The following PTPN2 variants were observed in gnomAD, a reference collection of about 807,000 sequenced individuals.
The protein encoded by PTPN2 is protein tyrosine phosphatase non-receptor type 2.
A neutral mutation model predicts 57.3 loss-of-function variants in PTPN2; 19 were observed. That is an observed-to-expected ratio of 0.33 (90% CI 0.23 to 0.49). PTPN2 has a LOEUF of 0.49. Ranked by LOEUF, PTPN2 falls within the 20% of genes least tolerant of loss-of-function variation. The pLI is 0.99. For synonymous variants in PTPN2, 153 were observed against 164.9 expected, an observed-to-expected ratio of 0.93 and a Z score of 0.55; for missense variants, 358 against 501.1, an observed-to-expected ratio of 0.71 and a Z score of 2.73.
chr18:12,856,456 G>A (rs1204702985), intron 2 of PTPN2, among the ~76,000 whole-genome samples: 1 of 152,080 alleles, frequency 6.6e-6, no homozygotes, highest in Non-Finnish European at 1.5e-5. Flanking sequence ...ATGCACTGGG[G>A]GCTGCTCCCA....
chr18:12,796,191 A>G (rs1185120432), intron 8 of PTPN2, among the ~76,000 whole-genome samples: 3 of 152,224 alleles, frequency 2.0e-5, no homozygotes, highest in African/African-American at 7.2e-5. Context: ...ATTAAAGGAG[A>G]CCAAAGAATC....
intron 2 of PTPN2, among the ~76,000 whole-genome samples, chr18:12,858,005 G>T (rs2043652798): frequency 6.6e-6 from 1 of 152,134 alleles, no homozygotes; most frequent in South Asian, 2.1e-4. Flanking sequence ...TTCTATTCAT[G>T]TAAGAATAAA....
At chr18:12,841,949 C>A (rs2145416181) in intron 2 of PTPN2, among the ~76,000 whole-genome samples, 1 of 150,858 alleles carries the variant, frequency 6.6e-6, no homozygotes, top group South Asian at 2.1e-4. Context: ...TCTTGTTGCC[C>A]AGGCTGGAGT....
intron 8 of PTPN2, among the ~76,000 whole-genome samples, chr18:12,798,871 C>T (rs940828917): frequency 6.6e-6 from 1 of 152,014 alleles, no homozygotes; most frequent in Non-Finnish European, 1.5e-5. Flanking sequence ...TATACTCCCA[C>T]CAACAGTGTT....
intron 6 of PTPN2, 95 bp downstream of exon 6, chr18:12,817,061 T>C: frequency 8.3e-7 from 1 of 1,212,042 alleles, no homozygotes. Context: ...AAACCTCAGT[T>C]CTGGGATACA....
chr18:12,810,995 T>C lies in PTPN2; in HGVS notation c.858+3208A>G, dbSNP rs185292731. 1.9e-4 allele frequency among the ~76,000 whole-genome samples: 29 copies of C among 152,340 alleles called. 1 individual carries two copies. The highest frequency in any genetic ancestry group is 5.3e-4 in the African/African-American group (22 of 41,582). ...TTTGTTACTCAATCCAAATCTTTTA[T>C]AGTGAAGACATGGAGTACTTGCTAC... On this transcript the variant is annotated intron_variant, in intron 7 of 8. Coordinates refer to ENST00000309660, the MANE Select transcript of PTPN2 (RefSeq NM_002828.4).
chr18:12,881,152 C>T (rs2044654850), intron 1 of PTPN2, among the ~76,000 whole-genome samples: 1 of 152,156 alleles, frequency 6.6e-6, no homozygotes, highest in African/African-American at 2.4e-5. Flanking sequence ...TAAATATGAT[C>T]AGCCCAGAGC....
intron 2 of PTPN2, among the ~76,000 whole-genome samples, chr18:12,857,320 T>C (rs533345689): frequency 1.9e-4 from 29 of 152,054 alleles, no homozygotes; most frequent in Non-Finnish European, 3.8e-4. Flanking sequence ...GTGATAAAAC[T>C]GCACAGAACT....
At chr18:12,852,191 A>AACACAC (rs139964591) in intron 2 of PTPN2, among the ~76,000 whole-genome samples, 9,103 of 140,444 alleles carry the variant, frequency 0.065, 339 homozygotes, top group African/African-American at 0.094. Flanking sequence ...ATGGGTTTTT[A>AACACAC]ACACACACAC....
chr18:12,848,500 CA>C (rs2043286996), intron 2 of PTPN2, among the ~76,000 whole-genome samples: 1 of 152,346 alleles, frequency 6.6e-6, no homozygotes, highest in African/African-American at 2.4e-5. Flanking sequence ...GGCTAGGTCA[CA>C]AAAGGCAATG....
At chr18:12,859,931 T>C (rs994552995) in intron 1 of PTPN2, among the ~76,000 whole-genome samples, 3 of 151,968 alleles carry the variant, frequency 2.0e-5, no homozygotes, top group African/African-American at 7.3e-5. Flanking sequence ...GGCAGGCGGA[T>C]TCCCTGAGGT....
intron 1 of PTPN2, among the ~76,000 whole-genome samples, chr18:12,876,732 T>C (rs2145538565): frequency 6.6e-6 from 1 of 152,298 alleles, no homozygotes; most frequent in East Asian, 1.9e-4. Context: ...AGCTACAGAA[T>C]CACCTAGAAA....
downstream of PTPN2, among the ~76,000 whole-genome samples, chr18:12,788,540 T>C (rs1670262582): frequency 6.8e-6 from 1 of 147,434 alleles, no homozygotes; most frequent in Non-Finnish European, 1.5e-5. Flanking sequence ...CCCAAAGTAC[T>C]GGGATTACAG....
downstream of PTPN2, among the ~76,000 whole-genome samples, chr18:12,790,320 G>C (rs2040953232): frequency 6.6e-6 from 1 of 152,124 alleles, no homozygotes; most frequent in South Asian, 2.1e-4. Context: ...TGGGAATGTA[G>C]GTACTCATTA....
Position 12,793,841 on chromosome 18 carries a change from T to C in PTPN2, c.*437A>G. The C allele has an allele frequency of 5.0e-6, 5 of 991,622 alleles. No individual in the cohort carries two copies. The highest frequency in any genetic ancestry group is 8.1e-5 in the South Asian group (2 of 24,556). The allele number at this position is 991,622 out of a possible 1,614,324, so 61.4% of individuals were successfully genotyped here. A position where few individuals can be genotyped will look rare whatever the true frequency, so the allele number is the denominator to read the frequency against. On this transcript the variant is annotated 3_prime_UTR_variant, in exon 9 of 9. Coordinates refer to ENST00000309660, the MANE Select transcript of PTPN2 (RefSeq NM_002828.4). ...GTTGATGCCCATGTCAATAGTACAT[T>C]ATACATTACACACATTATTTAAATG...
At position 12,792,285 on chromosome 18, in the gene PTPN2, T is replaced by TTG. The variant is rs2041005610; in HGVS notation, c.*1992_*1993insCA. 1 of 793,658 alleles carries TTG rather than the reference T, an allele frequency of 1.3e-6. No individual in the cohort carries two copies. Among genetic ancestry groups the TTG allele is most frequent in the African/African-American group, 1.9e-5 (1 of 53,770 alleles). 49.2% of individuals were successfully genotyped at this position (793,658 alleles called of 1,614,324 possible). A position where few individuals can be genotyped will look rare whatever the true frequency, so the allele number is the denominator to read the frequency against. ...ATCTATACCAATGGTTTTCAAACTTTTTTTTTTTTTTTTTTTGAGACGAAG... is the reference window on the plus strand; with the variant it reads ...ATCTATACCAATGGTTTTCAAACTTTTGTTTTTTTTTTTTTTTTGAGACGAAG... On this transcript the variant is annotated 3_prime_UTR_variant, in exon 9 of 9. Transcript: ENST00000309660.
intron 2 of PTPN2, among the ~76,000 whole-genome samples, chr18:12,846,803 T>C (rs2043224957): frequency 6.6e-6 from 1 of 152,206 alleles, no homozygotes. Flanking sequence ...TTCATATTTA[T>C]CTGTGTATCT....
intron 2 of PTPN2, among the ~76,000 whole-genome samples, chr18:12,840,546 T>G (rs145929637): frequency 3.9e-4 from 59 of 152,338 alleles, no homozygotes; most frequent in Middle Eastern, 3.4e-3. Flanking sequence ...GTCAGGTTTG[T>G]GTGACACTCG....
In PTPN2 at chr18:12,838,294, T is replaced by C. The variant is rs889670072; in HGVS notation, c.161-1403A>G. ...TTAGCTAACATGCGGTAGGAATCCA[T>C]AAAACCCGGGAAGGTCCACCTCACA... On this transcript the variant is annotated intron_variant, in intron 2 of 8. Coordinates refer to ENST00000309660, the MANE Select transcript of PTPN2 (RefSeq NM_002828.4). Among the ~76,000 whole-genome samples, 3 of 152,100 alleles carry C rather than the reference T, an allele frequency of 2.0e-5. No individual in the cohort carries two copies. In the South Asian group the frequency reaches 6.2e-4, roughly 31 times the overall value.
Sources: allele counts gnomAD v4.1 joint callset (sites outside exome capture counted in the v4.1 genomes callset), GRCh38; gene constraint gnomAD v4.1.1; transcripts MANE v1.5; gene names NCBI Gene and HGNC (gene_info 2026-07-23, HGNC 2026-07-21).